Variants in ADAMTS19 observed in about 807,000 individuals in gnomAD.
ADAMTS19 encodes ADAM metallopeptidase with thrombospondin type 1 motif 19.
In ADAMTS19, 93 loss-of-function variants were observed where a neutral mutation model predicts 153.3. That is an observed-to-expected ratio of 0.61 (90% CI 0.51 to 0.72). ADAMTS19 has a LOEUF of 0.72. ADAMTS19 is among the 30% of genes least tolerant of loss of function. The pLI is 0.00. For synonymous variants in ADAMTS19, 600 were observed against 556.6 expected, an observed-to-expected ratio of 1.08 and a Z score of -1.10; for missense variants, 1,482 against 1,552.1, an observed-to-expected ratio of 0.95 and a Z score of 0.76.
At chr5:129,506,036 G>A (rs1419396030) in intron 2 of ADAMTS19, among the ~76,000 whole-genome samples, 1 of 152,158 alleles carries the variant, frequency 6.6e-6, no homozygotes, top group Non-Finnish European at 1.5e-5. Flanking sequence ...CCCAGCACAG[G>A]GGCACTTGTG....
chr5:129,572,029 A>G (rs1184853699), intron 7 of ADAMTS19, among the ~76,000 whole-genome samples: 1 of 151,946 alleles, frequency 6.6e-6, no homozygotes, highest in Non-Finnish European at 1.5e-5. Flanking sequence ...GCAAAACTAT[A>G]AAAACTTAGT....
intron 6 of ADAMTS19, among the ~76,000 whole-genome samples, chr5:129,549,135 C>A (rs994771906): frequency 3.3e-5 from 5 of 149,320 alleles, no homozygotes; most frequent in African/African-American, 1.2e-4. Flanking sequence ...ATGTAACAAA[C>A]CTGCACATTG....
intron 16 of ADAMTS19, among the ~76,000 whole-genome samples, chr5:129,676,132 T>C (rs999975162): frequency 1.3e-5 from 2 of 152,186 alleles, no homozygotes; most frequent in African/African-American, 4.8e-5. Flanking sequence ...TTCCACTGAT[T>C]ATGATAGGTT....
chr5:129,609,000 A>G (rs1313000645), intron 8 of ADAMTS19, among the ~76,000 whole-genome samples: 1 of 152,182 alleles, frequency 6.6e-6, no homozygotes, highest in Admixed American at 6.5e-5. Context: ...CTAGAAATAC[A>G]TTGCTCCTTA....
At chr5:129,695,140 T>A (rs1441985569) in intron 19 of ADAMTS19, among the ~76,000 whole-genome samples, 1 of 152,120 alleles carries the variant, frequency 6.6e-6, no homozygotes, top group African/African-American at 2.4e-5. Context: ...CTTCAAAAAC[T>A]TTGTTATTTG....
intron 17 of ADAMTS19, among the ~76,000 whole-genome samples, chr5:129,683,341 A>G (rs1464961239): frequency 6.6e-6 from 1 of 152,000 alleles, no homozygotes; most frequent in Non-Finnish European, 1.5e-5. Context: ...GTCCCTGCAT[A>G]TAGTTCAGTC....
intron 17 of ADAMTS19, 47 bp downstream of exon 17, chr5:129,679,968 C>G (rs770929438): frequency 6.5e-7 from 1 of 1,548,608 alleles, no homozygotes; most frequent in East Asian, 2.3e-5. Context: ...CTTCTCATGG[C>G]AAGGAATATT....
At chr5:129,706,126 G>T (rs1756140069) in intron 21 of ADAMTS19, among the ~76,000 whole-genome samples, 3 of 152,252 alleles carry the variant, frequency 2.0e-5, no homozygotes, top group South Asian at 4.1e-4. Context: ...ATCACCTGTT[G>T]CTCCCTTTCC....
Position 129,694,844 on chromosome 5 carries a change from A to G in ADAMTS19, c.2943A>G (p.Pro981=). 1 of 1,587,728 alleles carries G rather than the reference A, an allele frequency of 6.3e-7. No homozygotes were observed. Among genetic ancestry groups the G allele is most frequent in the Non-Finnish European group, 8.6e-7 (1 of 1,166,232 alleles). Reference sequence around the variant, plus strand: ...AGATTCGAAAGTGCAATGAGCAACCATGTCAAACAAGGTAACTCTATTCCA... The same window carrying G: ...AGATTCGAAAGTGCAATGAGCAACCGTGTCAAACAAGGTAACTCTATTCCA... ...EPQIRKCNEQ[P]CQTRWMMTEW... is the part of the protein sequence containing the mutation. The change falls in exon 19 of 23, where the codon CCA becomes CCG. Residue 981 remains proline, a synonymous_variant. Transcript: ENST00000274487.
intron 21 of ADAMTS19, among the ~76,000 whole-genome samples, chr5:129,720,171 TTTA>T (rs1208293372): frequency 0.09 from 11,669 of 129,790 alleles, 851 homozygotes; most frequent in African/African-American, 0.26. Flanking sequence ...TATATATATA[TTTA>T]TTTTTTTTTT....
At chr5:129,633,331 C>G (rs1752390810) in intron 10 of ADAMTS19, among the ~76,000 whole-genome samples, 1 of 152,070 alleles carries the variant, frequency 6.6e-6, no homozygotes, top group African/African-American at 2.4e-5. Context: ...TTATGAAAAT[C>G]ATAACACATG....
At chr5:129,485,022 C>T (rs1750545025) in intron 2 of ADAMTS19, among the ~76,000 whole-genome samples, 1 of 152,054 alleles carries the variant, frequency 6.6e-6, no homozygotes, top group Non-Finnish European at 1.5e-5. Context: ...TACCATCAAC[C>T]TACTTAACCT....
chr5:129,645,925 G>A (rs1753042427), intron 11 of ADAMTS19, among the ~76,000 whole-genome samples: 1 of 80,534 alleles, frequency 1.2e-5, no homozygotes. Context: ...GTCTCGCTCT[G>A]TCGCCCAGGC....
At chr5:129,711,534 G>A (rs1181000219) in intron 21 of ADAMTS19, among the ~76,000 whole-genome samples, 9 of 152,036 alleles carry the variant, frequency 5.9e-5, no homozygotes, top group East Asian at 1.9e-4. Flanking sequence ...AAAATTAGCC[G>A]GGCGTGGCAG....
chr5:129,483,776 G>T (rs537552979), intron 2 of ADAMTS19, among the ~76,000 whole-genome samples: 1 of 152,046 alleles, frequency 6.6e-6, no homozygotes, highest in Non-Finnish European at 1.5e-5. Context: ...AGGCTTTTAG[G>T]TTTGTGTCAT....
intron 21 of ADAMTS19, among the ~76,000 whole-genome samples, chr5:129,718,676 C>G (rs1756838560): frequency 6.6e-6 from 1 of 152,146 alleles, no homozygotes; most frequent in Admixed American, 6.5e-5. Context: ...ATGAGGTCCT[C>G]TCTCCACTGT....
intron 14 of ADAMTS19, among the ~76,000 whole-genome samples, chr5:129,655,578 T>C (rs1753511870): frequency 6.6e-6 from 1 of 152,208 alleles, no homozygotes; most frequent in Non-Finnish European, 1.5e-5. Flanking sequence ...TTGTGCTATA[T>C]ACACTCCTTT....
chr5:129,626,497 T>C (rs1212887055), intron 10 of ADAMTS19, among the ~76,000 whole-genome samples: 1 of 152,106 alleles, frequency 6.6e-6, no homozygotes, highest in East Asian at 1.9e-4. Context: ...TGCCTTGTTT[T>C]AAAACTACAC....
chr5:129,687,008 C>A (rs999238573), intron 18 of ADAMTS19, among the ~76,000 whole-genome samples: 1 of 152,048 alleles, frequency 6.6e-6, no homozygotes, highest in Admixed American at 6.6e-5. Flanking sequence ...TCGCAAATTC[C>A]TGTTCCTCTG....
Sources: gnomAD v4.1 joint callset for allele counts (sites outside exome capture counted in the v4.1 genomes callset) on GRCh38, gnomAD v4.1.1 for gene constraint, MANE v1.5 for transcripts, NCBI Gene and HGNC (gene_info 2026-07-23, HGNC 2026-07-21) for gene names.